Variants in TPCN1 observed in about 807,000 individuals in gnomAD.
TPCN1 encodes the protein two pore segment channel 1.
TPCN1 carries 52 observed loss-of-function variants against 108.8 expected under a neutral mutation model. The observed-to-expected ratio is 0.48, with a 90% CI of 0.38 to 0.60. TPCN1 has a LOEUF of 0.60. Ranked by LOEUF, TPCN1 falls within the 20% of genes least tolerant of loss-of-function variation. The pLI is 0.00. For synonymous variants in TPCN1, 446 were observed against 433.7 expected, an observed-to-expected ratio of 1.03 and a Z score of -0.35; for missense variants, 806 against 1,072.8, an observed-to-expected ratio of 0.75 and a Z score of 3.47.
In TPCN1 at chr12:113,266,168, T is replaced by A; in HGVS notation, c.238-12T>A. ...CCAGGCTTACATGCCCACACTACTC[T>A]CATCTTTTCAGGAAGGCGAGAACAA... is the stretch of plus-strand genomic sequence containing the variant. On this transcript the variant is annotated splice_polypyrimidine_tract_variant and intron_variant, in intron 3 of 27. Coordinates refer to ENST00000335509, the MANE Select transcript of TPCN1 (RefSeq NM_017901.6). The surrounding 1 kb of genome is among the most constrained non-coding windows in gnomAD (Gnocchi z 4.2). 6.2e-7 allele frequency: 1 copy of A among 1,613,832 alleles called. No homozygotes were observed. Among genetic ancestry groups the A allele is most frequent in the Non-Finnish European group, 8.5e-7 (1 of 1,179,876 alleles).
Position 113,290,980 on chromosome 12 carries a change from C to T in TPCN1, c.1941C>T (p.Asn647=), listed in dbSNP as rs145787537. The T allele has an allele frequency of 2.6e-4, 421 of 1,613,886 alleles. 1 individual carries two copies. The African/African-American group carries it at 5.1e-3, about 20-fold the overall frequency. The change falls in exon 23 of 28, where the codon AAC becomes AAT. Residue 647 remains asparagine, a synonymous_variant. Transcript: ENST00000335509. ...FVTLFELTVV[N]NWYIIMEGVT... ...CCCTGTTTGAGCTCACAGTTGTCAACAACTGGTACATCATCATGGTAAGAG... is the reference window on the plus strand; with the variant it reads ...CCCTGTTTGAGCTCACAGTTGTCAATAACTGGTACATCATCATGGTAAGAG...
At chr12:113,237,426 G>A (rs1953938087) in intron 2 of TPCN1, among the ~76,000 whole-genome samples, 1 of 151,760 alleles carries the variant, frequency 6.6e-6, no homozygotes, top group Admixed American at 6.6e-5. Context: ...GCACAGTCTC[G>A]GCTCACTGCA....
intron 3 of TPCN1, among the ~76,000 whole-genome samples, chr12:113,262,873 T>C (rs1375681892): frequency 1.3e-5 from 2 of 152,046 alleles, no homozygotes; most frequent in Non-Finnish European, 2.9e-5. Context: ...AGCTAGGGAG[T>C]TGCAGAGCTC....
rs372875593 is a variant in TPCN1 at position 113,224,643 on chromosome 12, G to A, written c.-125-2085G>A. ...GATCTCCTGACCTCGTGATCCGCCC[G>A]CCTCGGCCTCCCAAAGTGCTGGGAT... On this transcript the variant is annotated intron_variant, in intron 1 of 27. Coordinates refer to ENST00000335509, the MANE Select transcript of TPCN1 (RefSeq NM_017901.6). 3.2e-4 allele frequency among the ~76,000 whole-genome samples: 48 copies of A among 152,224 alleles called. 1 individual carries two copies. The South Asian group carries it at 3.3e-3, about 11-fold the overall frequency.
At chr12:113,285,431 C>T (rs781651908) in intron 17 of TPCN1, among the ~76,000 whole-genome samples, 3 of 152,172 alleles carry the variant, frequency 2.0e-5, no homozygotes, top group African/African-American at 4.8e-5. Flanking sequence ...AGTGCAGTGG[C>T]GTGATCATAG....
In TPCN1 at chr12:113,272,787, G is replaced by T. The variant is rs1369682475; in HGVS notation, c.783+95G>T. The T allele has an allele frequency of 1.2e-5, 15 of 1,264,044 alleles. No homozygotes were observed. Among genetic ancestry groups the T allele is most frequent in the Non-Finnish European group, 1.6e-5 (14 of 862,642 alleles). The allele number at this position is 1,264,044 out of a possible 1,614,324, so 78.3% of individuals were successfully genotyped here. A position where few individuals can be genotyped will look rare whatever the true frequency, so the allele number is the denominator to read the frequency against. On this transcript the variant is annotated intron_variant, in intron 8 of 27. Transcript: ENST00000335509. This position sits in a 1 kb window ranked among gnomAD's most constrained non-coding sequence, Gnocchi z 4.1. ...GTGACCCTGTGGCCATATGGGGAAGGGGGGGCCTGCCTGGTTTCTCATCAT... is the reference window on the plus strand; with the variant it reads ...GTGACCCTGTGGCCATATGGGGAAGTGGGGGCCTGCCTGGTTTCTCATCAT...
intron 1 of TPCN1, among the ~76,000 whole-genome samples, chr12:113,223,685 A>C (rs1274123260): frequency 6.6e-6 from 1 of 152,172 alleles, no homozygotes; most frequent in African/African-American, 2.4e-5. Flanking sequence ...CTGGGATTAC[A>C]GGCATGCACC....
chr12:113,237,020 G>A (rs2136461322), intron 2 of TPCN1, among the ~76,000 whole-genome samples: 2 of 152,320 alleles, frequency 1.3e-5, no homozygotes, highest in East Asian at 3.9e-4. Context: ...GATGGCAGGA[G>A]TTTGGACCTG....
intron 2 of TPCN1, 45 bp downstream of exon 2, chr12:113,227,009 C>G: frequency 1.9e-6 from 3 of 1,542,800 alleles, no homozygotes; most frequent in Non-Finnish European, 2.7e-6. Flanking sequence ...TTTTCTGTTT[C>G]AGAGGCTGAG....
At chr12:113,258,038 G>A (rs1338027188) in intron 2 of TPCN1, among the ~76,000 whole-genome samples, 2 of 152,170 alleles carry the variant, frequency 1.3e-5, no homozygotes, top group African/African-American at 2.4e-5. Context: ...AAGGAGGCAC[G>A]GGAGGGTTAT....
At chr12:113,292,843 C>A in intron 25 of TPCN1, 91 bp from the exon 26 acceptor site, 1 of 1,443,302 alleles carries the variant, frequency 6.9e-7, no homozygotes, top group Non-Finnish European at 9.4e-7. Context: ...CCTTAAGACC[C>A]CCTGCGGAAG....
intron 2 of TPCN1, among the ~76,000 whole-genome samples, chr12:113,255,244 A>G (rs946320852): frequency 6.6e-6 from 1 of 152,236 alleles, no homozygotes; most frequent in Non-Finnish European, 1.5e-5. Flanking sequence ...GTATTTCTGT[A>G]TCCTAACAAC....
chr12:113,223,059 A>G (rs1953315661), intron 1 of TPCN1, among the ~76,000 whole-genome samples: 1 of 152,240 alleles, frequency 6.6e-6, no homozygotes, highest in East Asian at 1.9e-4. Flanking sequence ...ACTGCCAAAT[A>G]GTAGTGTCTC....
intron 2 of TPCN1, among the ~76,000 whole-genome samples, chr12:113,253,323 A>G (rs567224629): frequency 2.5e-4 from 38 of 152,376 alleles, no homozygotes; most frequent in African/African-American, 9.1e-4. Flanking sequence ...GTTAATAGAT[A>G]CAATGTATTT....
In TPCN1 at chr12:113,232,418, C is replaced by T. The variant is rs1593075022; in HGVS notation, c.112+5454C>T. Among the ~76,000 whole-genome samples, 1 of 152,244 alleles carries T rather than the reference C, an allele frequency of 6.6e-6. No homozygotes were observed. The highest frequency in any genetic ancestry group is 2.4e-5 in the African/African-American group (1 of 41,468). Reference sequence around the variant, plus strand: ...GGGCCAGAGCTGTTGGCCGCAGGGCCGCCGTAGCCAGGAGGAGTTGGGAGA... The same window carrying T: ...GGGCCAGAGCTGTTGGCCGCAGGGCTGCCGTAGCCAGGAGGAGTTGGGAGA... On this transcript the variant is annotated intron_variant, in intron 2 of 27. Transcript: ENST00000335509. The surrounding 1 kb of genome is among the most constrained non-coding windows in gnomAD (Gnocchi z 5.6).
chr12:113,278,932 GT>G lies in TPCN1; in HGVS notation c.1297+98del. On this transcript the variant is annotated intron_variant, in intron 14 of 27. Transcript: ENST00000335509. ...CGTCTGAGGAGAGGTTCAGAGGGGT[GT>G]GTGTGTGTGTGTGTTTGTCTGAATG... 8 of 971,622 alleles carry G rather than the reference GT, an allele frequency of 8.2e-6. No homozygotes were observed. The African/African-American group carries it at 1.1e-4, about 14-fold the overall frequency. The allele number at this position is 971,622 out of a possible 1,614,324, so 60.2% of individuals were successfully genotyped here. A position where few individuals can be genotyped will look rare whatever the true frequency, so the allele number is the denominator to read the frequency against.
Position 113,268,843 on chromosome 12 carries a change from G to T in TPCN1, c.630G>T (p.Val210=). 6.2e-7 allele frequency: 1 copy of T among 1,614,142 alleles called. No homozygotes were observed. The highest frequency in any genetic ancestry group is 1.1e-5 in the South Asian group (1 of 91,082). ...GAGCACTGCGCTGCATTTTCCTGGT[G>T]GACTGTCGGTATTGCGGTGGCGTCC... ...VTRALRCIFL[V]DCRYCGGVRR... is the part of the protein sequence containing the mutation. The change falls in exon 6 of 28, where the codon GTG becomes GTT. Residue 210 remains valine (V), a synonymous_variant. Coordinates refer to ENST00000335509, the MANE Select transcript of TPCN1 (RefSeq NM_017901.6). The surrounding 1 kb of genome is among the most constrained non-coding windows in gnomAD (Gnocchi z 7.3).
At chr12:113,287,316 GA>G in intron 19 of TPCN1, 1 of 558,844 alleles carries the variant, frequency 1.8e-6, no homozygotes, top group Non-Finnish European at 3.2e-6. Flanking sequence ...TCTGGGCAGA[GA>G]AACCCAGCCC....
At position 113,273,401 on chromosome 12, in the gene TPCN1, A is replaced by G. The variant is rs1218772084; in HGVS notation, c.842+111A>G. 5 of 1,350,944 alleles carry G rather than the reference A, an allele frequency of 3.7e-6. No homozygotes were observed. The highest frequency in any genetic ancestry group is 1.4e-5 in the African/African-American group (1 of 69,448). The allele number at this position is 1,350,944 out of a possible 1,614,324, so 83.7% of individuals were successfully genotyped here. ...CAGCACAGGCAGGTGCTGTGGTGCT[A>G]TTGGGAGACAGGGTTGGCCCACTGA... On this transcript the variant is annotated intron_variant, in intron 9 of 27. Coordinates refer to ENST00000335509, the MANE Select transcript of TPCN1 (RefSeq NM_017901.6). This position sits in a 1 kb window ranked among gnomAD's most constrained non-coding sequence, Gnocchi z 4.0.
Sources: allele counts gnomAD v4.1 joint callset (sites outside exome capture counted in the v4.1 genomes callset), GRCh38; gene constraint gnomAD v4.1.1; non-coding constraint Gnocchi (gnomAD v3.1); transcripts MANE v1.5; gene names NCBI Gene and HGNC (gene_info 2026-07-23, HGNC 2026-07-21).